The following CDKL3 variants were observed in gnomAD, a reference collection of about 807,000 sequenced individuals.
CDKL3 encodes cyclin dependent kinase like 3, also known as cyclin-dependent kinase-like 3.
A neutral mutation model predicts 69.3 loss-of-function variants in CDKL3; 65 were observed. That is an observed-to-expected ratio of 0.94 (90% CI 0.77 to 1.15). CDKL3 has a LOEUF of 1.15. CDKL3 is among the 50% of genes most tolerant of loss of function. CDKL3 has a pLI of 0.00. For missense variants in CDKL3, 652 were observed against 689.2 expected, an observed-to-expected ratio of 0.95 and a Z score of 0.61; for synonymous variants, 202 against 221.6, an observed-to-expected ratio of 0.91 and a Z score of 0.79.
At chr5:134,289,163 T>TAAAAAA in intron 8 of CDKL3, among the ~76,000 whole-genome samples, 1 of 80,292 alleles carries the variant, frequency 1.2e-5, no homozygotes, top group Non-Finnish European at 2.7e-5. Flanking sequence ...CCCTGTCTCA[T>TAAAAAA]AAAAAAAAAA....
Position 134,367,098 on chromosome 5 carries a change from C to T in CDKL3, c.-143G>A, listed in dbSNP as rs1319207715. ...CCAGTGGAGCCACCGAACACTGATA[C>T]TACTTTGTTGCTCAGCCCCGCAAGG... On this transcript the variant is annotated 5_prime_UTR_variant, in exon 1 of 13. Transcript: ENST00000265334. 2 of 986,104 alleles carry T rather than the reference C, an allele frequency of 2.0e-6. No individual in the cohort carries two copies. Among genetic ancestry groups the T allele is most frequent in the Non-Finnish European group, 2.4e-6 (2 of 830,506 alleles). The allele number at this position is 986,104 out of a possible 1,614,324, so 61.1% of individuals were successfully genotyped here.
intron 2 of CDKL3, among the ~76,000 whole-genome samples, chr5:134,363,107 A>C: frequency 6.6e-6 from 1 of 152,240 alleles, no homozygotes; most frequent in Non-Finnish European, 1.5e-5. Flanking sequence ...TAAGTGCAAC[A>C]GTTGAAGAAA....
At chr5:134,297,887 AGTTTGTGTGTGTGT>A (rs1324605605), downstream of CDKL3, among the ~76,000 whole-genome samples, 1 of 121,364 alleles carries the variant, frequency 8.2e-6, no homozygotes, top group East Asian at 2.5e-4. Flanking sequence ...AACCATGAAT[AGTTTGTGTGTGTGT>A]GTGTGTGTGT....
At chr5:134,299,131 C>A (rs1365228122) in intron 12 of CDKL3, among the ~76,000 whole-genome samples, 1 of 152,178 alleles carries the variant, frequency 6.6e-6, no homozygotes, top group Non-Finnish European at 1.5e-5. Context: ...CTCGGCCACC[C>A]AAAGTGCTGG....
Position 134,308,128 on chromosome 5 carries a change from T to C in CDKL3, c.1364+10A>G, listed in dbSNP as rs774721724. ...TGTATTATTTAGGTTTCTTCTCTGT[T>C]ACAGCTCACCTCACACTGGGGTGAA... On this transcript the variant is annotated intron_variant, in intron 9 of 12. Transcript: ENST00000265334. The C allele has an allele frequency of 1.6e-5, 26 of 1,604,606 alleles. No homozygotes were observed. Among genetic ancestry groups the C allele is most frequent in the Non-Finnish European group, 2.1e-5 (25 of 1,174,278 alleles).
At chr5:134,367,591 CT>C (rs998053509), upstream of CDKL3, among the ~76,000 whole-genome samples, 1 of 152,096 alleles carries the variant, frequency 6.6e-6, no homozygotes, top group African/African-American at 2.4e-5. Context: ...CCAGGCTGGT[CT>C]CGAACTCCCA....
chr5:134,314,744 A>G (rs1195645677), intron 6 of CDKL3, among the ~76,000 whole-genome samples: 1 of 152,174 alleles, frequency 6.6e-6, no homozygotes, highest in Non-Finnish European at 1.5e-5. Flanking sequence ...AAGATTCTAG[A>G]AAATTCAAAC....
intron 8 of CDKL3, among the ~76,000 whole-genome samples, chr5:134,287,701 G>A (rs1764931328): frequency 6.6e-6 from 1 of 152,138 alleles, no homozygotes; most frequent in African/African-American, 2.4e-5. Context: ...GAAAGCCAAT[G>A]TAGTCCCTCA....
chr5:134,359,164 C>T (rs1177685139), intron 3 of CDKL3, among the ~76,000 whole-genome samples: 3 of 151,732 alleles, frequency 2.0e-5, no homozygotes, highest in Non-Finnish European at 4.4e-5. Flanking sequence ...GGAGGAGCAC[C>T]GTCATCTCGG....
chr5:134,365,657 C>T (rs535284842), intron 2 of CDKL3, among the ~76,000 whole-genome samples: 3 of 152,280 alleles, frequency 2.0e-5, no homozygotes, highest in Non-Finnish European at 4.4e-5. Flanking sequence ...CTTACAAAAT[C>T]AAGTTTTGAC....
chr5:134,371,474 CGG>C, upstream of CDKL3: 2 of 786,352 alleles, frequency 2.5e-6, no homozygotes, highest in Non-Finnish European at 3.5e-6. Context: ...TTGTCAGTCT[CGG>C]CGGCGGCGGC....
chr5:134,330,261 G>C (rs781545446), intron 4 of CDKL3, among the ~76,000 whole-genome samples: 1 of 152,008 alleles, frequency 6.6e-6, no homozygotes, highest in African/African-American at 2.4e-5. Context: ...AAAGAATGAG[G>C]AGGAACTAAA....
chr5:134,356,691 G>A (rs1325371657), intron 3 of CDKL3, among the ~76,000 whole-genome samples: 7 of 152,086 alleles, frequency 4.6e-5, no homozygotes, highest in African/African-American at 1.4e-4. Context: ...GGCTGAGGCA[G>A]GAAAATTGCT....
At chr5:134,371,554 G>C, upstream of CDKL3, 3 of 1,603,940 alleles carry the variant, frequency 1.9e-6, no homozygotes, top group East Asian at 2.2e-5. Context: ...GGCTGCGCGG[G>C]ACTTTTTTTT....
At chr5:134,326,821 A>ATATATATATGTGTG (rs1456545689) in intron 4 of CDKL3, among the ~76,000 whole-genome samples, 8 of 105,558 alleles carry the variant, frequency 7.6e-5, no homozygotes, top group African/African-American at 3.8e-4. Flanking sequence ...GTGTGTGTAT[A>ATATATATATGTGTG]TATATATATA....
At chr5:134,312,477 C>A in intron 6 of CDKL3, 97 bp from the exon 7 acceptor site, 1 of 661,674 alleles carries the variant, frequency 1.5e-6, no homozygotes, top group Non-Finnish European at 2.5e-6. Context: ...AAGTAATTAT[C>A]CAGATCAAAA....
chr5:134,344,960 G>A (rs1230260413), intron 4 of CDKL3, among the ~76,000 whole-genome samples: 2 of 152,116 alleles, frequency 1.3e-5, no homozygotes, highest in Non-Finnish European at 2.9e-5. Context: ...AGCTACTCAG[G>A]AGGCTGAGGC....
chr5:134,308,285 G>T lies in CDKL3; in HGVS notation c.1217C>A (p.Pro406Gln). The change falls in exon 9 of 13, where the codon CCA becomes CAA. Residue 406 changes from proline to glutamine, a missense_variant. Transcript: ENST00000265334. ...GTTAGTGCTGGGATTGATAGGGTTT[G>T]GTGGTTCAATGGTTACAAGTTTTGT... ...PDTKLVTIEP[P>Q]NPINPSTNCN... The T allele has an allele frequency of 4.3e-6, 7 of 1,613,900 alleles. No individual in the cohort carries two copies. In the South Asian group the frequency reaches 7.7e-5, roughly 18 times the overall value.
At chr5:134,359,517 TTG>T (rs1359600923) in intron 3 of CDKL3, among the ~76,000 whole-genome samples, 1 of 152,180 alleles carries the variant, frequency 6.6e-6, no homozygotes, top group Non-Finnish European at 1.5e-5. Context: ...GCCTTTTTTT[TTG>T]TGAGGCGGAG....
Sources: allele counts gnomAD v4.1 joint callset (sites outside exome capture counted in the v4.1 genomes callset), GRCh38; gene constraint gnomAD v4.1.1; transcripts MANE v1.5; gene names NCBI Gene and HGNC (gene_info 2026-07-23, HGNC 2026-07-21).